Variants in BIN3 observed in about 807,000 individuals in gnomAD.
The protein encoded by BIN3 is bridging integrator 3.
Under a neutral mutation model 38.2 loss-of-function variants are expected in BIN3, and 41 were observed. The observed-to-expected ratio is 1.07, with a 90% CI of 0.84 to 1.39. The LOEUF is 1.39. BIN3 is among the 40% of genes most tolerant of loss of function. The pLI is 0.00. For synonymous variants in BIN3, 145 were observed against 122.6 expected, an observed-to-expected ratio of 1.18 and a Z score of -1.21; for missense variants, 361 against 324.3, an observed-to-expected ratio of 1.11 and a Z score of -0.87.
intron 1 of BIN3, among the ~76,000 whole-genome samples, chr8:22,656,347 AT>A: frequency 6.7e-6 from 1 of 150,100 alleles, no homozygotes; most frequent in Admixed American, 6.7e-5. Flanking sequence ...GAAGTTTTAT[AT>A]TTTTGGTTAT....
chr8:22,659,607 C>T (rs922484718), intron 1 of BIN3, among the ~76,000 whole-genome samples: 3 of 152,334 alleles, frequency 2.0e-5, no homozygotes, highest in Non-Finnish European at 2.9e-5. Context: ...ACTGCTGATA[C>T]ATCCGTTTAT....
chr8:22,621,592 C>T (rs1427889410), intron 8 of BIN3, 24 bp from the exon 9 acceptor site: 4 of 1,611,080 alleles, frequency 2.5e-6, no homozygotes, highest in African/African-American at 1.3e-5. Flanking sequence ...CAGGGGTTGG[C>T]ACGTGCTGGC....
chr8:22,624,439 G>A, intron 6 of BIN3, 76 bp from the exon 7 acceptor site: 1 of 1,549,886 alleles, frequency 6.5e-7, no homozygotes, highest in Admixed American at 1.9e-5. Context: ...GCTCTTGGAG[G>A]GGTGGCCTGG....
chr8:22,666,810 G>C (rs1055949652), intron 1 of BIN3, among the ~76,000 whole-genome samples: 7 of 152,226 alleles, frequency 4.6e-5, no homozygotes, highest in African/African-American at 1.7e-4. Context: ...ATGATGGCTT[G>C]GCACAGCCCA....
intron 6 of BIN3, chr8:22,629,759 C>T (rs548237274): frequency 7.9e-5 from 48 of 605,124 alleles, no homozygotes; most frequent in South Asian, 2.2e-4. Context: ...ACCCTGAGCT[C>T]GCCTGGGCCA....
chr8:22,662,997 T>C (rs1803286570), intron 1 of BIN3, among the ~76,000 whole-genome samples: 1 of 152,170 alleles, frequency 6.6e-6, no homozygotes, highest in African/African-American at 2.4e-5. Context: ...TGCATGCCTG[T>C]AATCCCAGCT....
intron 6 of BIN3, chr8:22,625,273 T>TG (rs1314078815): frequency 1.4e-6 from 1 of 701,014 alleles, no homozygotes; most frequent in Non-Finnish European, 2.6e-6. Flanking sequence ...GCTGGAGGGC[T>TG]GGCCCTCGGT....
At chr8:22,630,995 CCA>C (rs1164105668) in intron 4 of BIN3, among the ~76,000 whole-genome samples, 4 of 152,172 alleles carry the variant, frequency 2.6e-5, no homozygotes, top group Non-Finnish European at 5.9e-5. Context: ...TAACAGTACT[CCA>C]GTTTACACAT....
intron 2 of BIN3, among the ~76,000 whole-genome samples, chr8:22,642,520 G>C (rs1211621419): frequency 6.6e-6 from 1 of 152,242 alleles, no homozygotes; most frequent in East Asian, 1.9e-4. Flanking sequence ...GGGAAATCTA[G>C]CTGCCTGGGA....
At chr8:22,657,431 T>G (rs1409899682) in intron 1 of BIN3, among the ~76,000 whole-genome samples, 1 of 152,164 alleles carries the variant, frequency 6.6e-6, no homozygotes, top group Non-Finnish European at 1.5e-5. Flanking sequence ...AACAGTACAT[T>G]CAGTGGAGAC....
intron 4 of BIN3, among the ~76,000 whole-genome samples, chr8:22,632,019 C>G (rs1199515103): frequency 6.6e-6 from 1 of 152,220 alleles, no homozygotes; most frequent in Non-Finnish European, 1.5e-5. Context: ...AGAGAAGACA[C>G]ATTGTGAATG....
At chr8:22,642,705 T>C (rs1471108801) in intron 2 of BIN3, among the ~76,000 whole-genome samples, 1 of 152,160 alleles carries the variant, frequency 6.6e-6, no homozygotes, top group Non-Finnish European at 1.5e-5. Flanking sequence ...CCTGATTTTA[T>C]AAACGAGAAA....
At chr8:22,651,185 T>A (rs1313713889) in intron 1 of BIN3, among the ~76,000 whole-genome samples, 7 of 152,214 alleles carry the variant, frequency 4.6e-5, no homozygotes, top group South Asian at 2.1e-4. Context: ...ACTTTTTTTT[T>A]AACTTTCCCT....
intron 1 of BIN3, among the ~76,000 whole-genome samples, chr8:22,645,525 G>A (rs893014140): frequency 2.0e-5 from 3 of 150,188 alleles, no homozygotes; most frequent in East Asian, 1.9e-4. Context: ...AAAGGGGAAG[G>A]GGAGGGGGAG....
chr8:22,665,798 G>A (rs184154556), intron 1 of BIN3, among the ~76,000 whole-genome samples: 2 of 152,252 alleles, frequency 1.3e-5, no homozygotes, highest in African/African-American at 4.8e-5. Context: ...AAACAGGAAA[G>A]AAACAAAAAG....
At chr8:22,641,472 G>C (rs1483327386) in intron 2 of BIN3, among the ~76,000 whole-genome samples, 1 of 152,202 alleles carries the variant, frequency 6.6e-6, no homozygotes, top group East Asian at 1.9e-4. Context: ...AGTGAAAAAG[G>C]AAACTGGCAG....
At position 22,659,641 on chromosome 8, in the gene BIN3, C is replaced by T. The variant is rs145338531; in HGVS notation, c.8+9403G>A. Among the ~76,000 whole-genome samples the T allele has an allele frequency of 3.2e-3, 485 of 152,320 alleles. 3 individuals carry two copies. The highest frequency in any genetic ancestry group is 0.011 in the African/African-American group (469 of 41,560). On this transcript the variant is annotated intron_variant, in intron 1 of 8. Transcript: ENST00000276416. ...ATTTGAAGTGTCCACTCCTGCACTT[C>T]ACAGGAGAAACAGCGCAGTAGATCA... is the stretch of plus-strand genomic sequence containing the variant.
In BIN3 at chr8:22,621,587, G is replaced by A. The variant is rs567373543; in HGVS notation, c.616-19C>T. 1 of 1,612,038 alleles carries A rather than the reference G, an allele frequency of 6.2e-7. No homozygotes were observed. The highest frequency in any genetic ancestry group is 2.2e-5 in the East Asian group (1 of 44,872). ...ACACAACCTGGGGGAGGCGACAGGG[G>A]TTGGCACGTGCTGGCTCCAGGGAAC... On this transcript the variant is annotated intron_variant, in intron 8 of 8. Coordinates refer to ENST00000276416, the MANE Select transcript of BIN3 (RefSeq NM_018688.6).
Position 22,627,204 on chromosome 8 carries a change from G to T in BIN3, c.338+2760C>A, listed in dbSNP as rs561199714. Reference sequence around the variant, plus strand: ...CCACGGTGGGGGGAGGTTGGGTCCTGGGATTGGGATTCCCTAGGGGTAGGG... The same window carrying T: ...CCACGGTGGGGGGAGGTTGGGTCCTTGGATTGGGATTCCCTAGGGGTAGGG... On this transcript the variant is annotated intron_variant, in intron 6 of 8. Transcript: ENST00000276416. 1.2e-4 allele frequency among the ~76,000 whole-genome samples: 18 copies of T among 152,274 alleles called. No individual in the cohort carries two copies. In the South Asian group the frequency reaches 3.1e-3, roughly 26 times the overall value.
Sources: allele counts gnomAD v4.1 joint callset (sites outside exome capture counted in the v4.1 genomes callset), GRCh38; gene constraint gnomAD v4.1.1; transcripts MANE v1.5; gene names NCBI Gene and HGNC (gene_info 2026-07-23, HGNC 2026-07-21).